The following TRIO variants were observed in gnomAD, a reference collection of about 807,000 sequenced individuals.
TRIO encodes the protein triple functional domain protein.
TRIO carries 58 observed loss-of-function variants against 351.9 expected under a neutral mutation model. The observed-to-expected ratio is 0.16, with a 90% CI of 0.13 to 0.21. The LOEUF (loss-of-function observed/expected upper bound fraction) is 0.21, where lower values mean the gene tolerates loss of function less well. TRIO is among the 10% of genes least tolerant of loss of function. TRIO has a pLI of 1.00. For missense variants in TRIO, 3,201 were observed against 4,027.8 expected (o/e 0.79, Z 5.56); for synonymous variants, 1,758 against 1,595.7 (o/e 1.10, Z -2.42).
intron 33 of TRIO, among the ~76,000 whole-genome samples, chr5:14,407,516 A>G (rs550336417): frequency 1.3e-5 from 2 of 152,334 alleles, no homozygotes; most frequent in African/African-American, 4.8e-5. Flanking sequence ...GTAAAATAGT[A>G]AGAACTCATG....
intron 34 of TRIO, among the ~76,000 whole-genome samples, chr5:14,443,319 G>A (rs1425719591): frequency 2.6e-5 from 4 of 152,174 alleles, no homozygotes; most frequent in Admixed American, 1.3e-4. Context: ...AGCGAAATTC[G>A]TGCATATGCG....
At chr5:14,281,093 G>A (rs1056862389) in intron 3 of TRIO, among the ~76,000 whole-genome samples, 11 of 152,126 alleles carry the variant, frequency 7.2e-5, no homozygotes, top group African/African-American at 1.9e-4. Flanking sequence ...TGTATTACTC[G>A]AGTTTAATTT....
intron 9 of TRIO, among the ~76,000 whole-genome samples, chr5:14,325,925 G>A (rs76582300): frequency 1.3e-5 from 2 of 152,332 alleles, no homozygotes; most frequent in Admixed American, 6.5e-5. Context: ...TTTGCTGAGC[G>A]TTGTGACAGC....
At chr5:14,388,005 T>C in intron 23 of TRIO, 158 bp downstream of exon 23, 2 of 646,496 alleles carry the variant, frequency 3.1e-6, no homozygotes. Context: ...CTTCGCTGCG[T>C]TCACTGTCCT....
chr5:14,453,454 T>A (rs1752996662), intron 34 of TRIO, among the ~76,000 whole-genome samples: 1 of 152,244 alleles, frequency 6.6e-6, no homozygotes, highest in South Asian at 2.1e-4. Flanking sequence ...TAATTCTCAT[T>A]TTCTGGGTAC....
At chr5:14,243,363 C>T (rs991488630) in intron 1 of TRIO, among the ~76,000 whole-genome samples, 11 of 151,396 alleles carry the variant, frequency 7.3e-5, no homozygotes, top group African/African-American at 2.7e-4. Flanking sequence ...AGATTATATT[C>T]CTTAATGCAA....
intron 1 of TRIO, among the ~76,000 whole-genome samples, chr5:14,193,848 A>G (rs1282984428): frequency 6.6e-6 from 1 of 152,166 alleles, no homozygotes; most frequent in Non-Finnish European, 1.5e-5. Flanking sequence ...GGCAATGATG[A>G]TGAGGATGCT....
At position 14,286,958 on chromosome 5, in the gene TRIO, G is replaced by A; in HGVS notation, c.435G>A (p.Leu145=). ...WDSIKPLLKI[L]QESFPCCIHV... ...CCATCAAGCCCCTTCTGAAGATCCTGCAGGAGTCCTTCCCCTGCTGCATCC... is the reference window on the plus strand; with the variant it reads ...CCATCAAGCCCCTTCTGAAGATCCTACAGGAGTCCTTCCCCTGCTGCATCC... The change falls in exon 4 of 57, where the codon CTG becomes CTA. Residue 145 remains leucine (L), a synonymous_variant. Coordinates refer to ENST00000344204, the MANE Select transcript of TRIO (RefSeq NM_007118.4). This position sits in a 1 kb window ranked among gnomAD's most constrained non-coding sequence, Gnocchi z 4.4. 6.2e-7 allele frequency: 1 copy of A among 1,614,178 alleles called. No individual in the cohort carries two copies. The highest frequency in any genetic ancestry group is 8.5e-7 in the Non-Finnish European group (1 of 1,180,020).
At chr5:14,472,927 ATAT>A (rs887826068) in intron 39 of TRIO, among the ~76,000 whole-genome samples, 15 of 152,240 alleles carry the variant, frequency 9.9e-5, no homozygotes, top group African/African-American at 3.6e-4. Flanking sequence ...AAATAATTTG[ATAT>A]TATTATTAAA....
At chr5:14,407,354 AG>A (rs953152650) in intron 33 of TRIO, among the ~76,000 whole-genome samples, 1 of 152,250 alleles carries the variant, frequency 6.6e-6, no homozygotes, top group African/African-American at 2.4e-5. Flanking sequence ...CCAGTTAAGC[AG>A]GTCTTATATG....
At chr5:14,432,337 C>T (rs540719152) in intron 34 of TRIO, among the ~76,000 whole-genome samples, 13 of 152,308 alleles carry the variant, frequency 8.5e-5, no homozygotes, top group African/African-American at 2.2e-4. Context: ...TGTCTGTGCA[C>T]GTTGGAAGAA....
chr5:14,184,704 T>C (rs568486088), intron 1 of TRIO, among the ~76,000 whole-genome samples: 2 of 152,316 alleles, frequency 1.3e-5, no homozygotes, highest in African/African-American at 4.8e-5. Context: ...TATGTTTCTT[T>C]CCAGTACATA....
intron 34 of TRIO, among the ~76,000 whole-genome samples, chr5:14,432,327 T>C (rs937175916): frequency 6.6e-6 from 1 of 152,258 alleles, no homozygotes; most frequent in South Asian, 2.1e-4. Flanking sequence ...TACATACTGC[T>C]GTCTGTGCAC....
intron 15 of TRIO, among the ~76,000 whole-genome samples, 160 bp downstream of exon 15, chr5:14,364,976 C>A (rs557350677): frequency 1.3e-5 from 2 of 152,248 alleles, no homozygotes; most frequent in African/African-American, 4.8e-5. Flanking sequence ...CACACCCCCG[C>A]CCCCCGATTA....
In TRIO at chr5:14,472,581, T is replaced by G; in HGVS notation, c.5913-11T>G. The G allele has an allele frequency of 6.2e-7, 1 of 1,613,750 alleles. No homozygotes were observed. Among genetic ancestry groups the G allele is most frequent in the Non-Finnish European group, 8.5e-7 (1 of 1,179,808 alleles). On this transcript the variant is annotated splice_polypyrimidine_tract_variant and intron_variant, in intron 38 of 56. Coordinates refer to ENST00000344204, the MANE Select transcript of TRIO (RefSeq NM_007118.4). The stretch of plus-strand genomic sequence containing the variant: ...ACAGTTTGCATGATAAACAATATTT[T>G]TTCTCTCCAGCTACGTTTTGCAAGA...
At chr5:14,255,380 A>G (rs1312894399) in intron 1 of TRIO, among the ~76,000 whole-genome samples, 1 of 152,236 alleles carries the variant, frequency 6.6e-6, no homozygotes, top group Non-Finnish European at 1.5e-5. Context: ...ATGAGAGACA[A>G]AACAAATGTT....
intron 34 of TRIO, among the ~76,000 whole-genome samples, chr5:14,430,270 C>T (rs1334452686): frequency 6.8e-6 from 1 of 146,482 alleles, no homozygotes; most frequent in African/African-American, 2.5e-5. Flanking sequence ...TAAATCCATT[C>T]ATATAAATTA....
intron 27 of TRIO, among the ~76,000 whole-genome samples, chr5:14,392,360 C>A (rs1471224771): frequency 2.0e-5 from 3 of 152,182 alleles, no homozygotes; most frequent in Non-Finnish European, 4.4e-5. Flanking sequence ...TTAGAGAATG[C>A]AGATCAACCA....
intron 1 of TRIO, among the ~76,000 whole-genome samples, chr5:14,151,655 T>C (rs549611886): frequency 6.6e-6 from 1 of 152,374 alleles, no homozygotes; most frequent in African/African-American, 2.4e-5. Context: ...CGTTAAGATG[T>C]TGGCCAAAAC....
Sources: allele counts gnomAD v4.1 joint callset (sites outside exome capture counted in the v4.1 genomes callset), GRCh38; gene constraint gnomAD v4.1.1; non-coding constraint Gnocchi (gnomAD v3.1); transcripts MANE v1.5; gene names NCBI Gene and HGNC (gene_info 2026-07-23, HGNC 2026-07-21).